Variants in ZNF274 observed in about 807,000 individuals in gnomAD.
The protein encoded by ZNF274 is zinc finger protein 274.
A neutral mutation model predicts 42.5 loss-of-function variants in ZNF274; 23 were observed. That is an observed-to-expected ratio of 0.54 (90% CI 0.39 to 0.77). The LOEUF (loss-of-function observed/expected upper bound fraction) is 0.77, where lower values mean the gene tolerates loss of function less well. Ranked by LOEUF, ZNF274 falls within the 30% of genes least tolerant of loss-of-function variation. The pLI is 0.00. For synonymous variants in ZNF274, 292 were observed against 305.4 expected (o/e 0.96, Z 0.46); for missense variants, 679 against 806.5 (o/e 0.84, Z 1.91).
In ZNF274 at chr19:58,187,052, A is replaced by C; in HGVS notation, c.256+10A>C. ...CAAGACACCATTCCAGGTGAGAACC[A>C]GACATGGGAAGCCCCCACAGGGAAG... On this transcript the variant is annotated intron_variant, in intron 4 of 7. Coordinates refer to ENST00000617501, the MANE Select transcript of ZNF274 (RefSeq NM_133502.3). 6.2e-7 allele frequency: 1 copy of C among 1,606,258 alleles called. No individual in the cohort carries two copies. Among genetic ancestry groups the C allele is most frequent in the East Asian group, 2.2e-5 (1 of 44,776 alleles).
intron 4 of ZNF274, among the ~76,000 whole-genome samples, chr19:58,195,119 AC>A (rs140467225): frequency 0.024 from 3,653 of 151,630 alleles, 125 homozygotes; most frequent in African/African-American, 0.082. Context: ...AATCGATTGA[AC>A]CCAGGAGGTG....
chr19:58,186,695 C>T (rs2075703129), intron 3 of ZNF274, among the ~76,000 whole-genome samples: 1 of 152,124 alleles, frequency 6.6e-6, no homozygotes, highest in Non-Finnish European at 1.5e-5. Context: ...CATGTTTAAC[C>T]AGAAAGCAAA....
In ZNF274 at chr19:58,207,784, G is replaced by A. The variant is rs577119446; in HGVS notation, c.739+582G>A. On this transcript the variant is annotated intron_variant, in intron 5 of 7. Coordinates refer to ENST00000617501, the MANE Select transcript of ZNF274 (RefSeq NM_133502.3). This position sits in a 1 kb window ranked among gnomAD's most constrained non-coding sequence, Gnocchi z 5.6. ...ATGTTTGTGATGGAAGGGAGCAGAGGTTGGAGCTGGCACTGCCAGTGGGGA... is the reference window on the plus strand; with the variant it reads ...ATGTTTGTGATGGAAGGGAGCAGAGATTGGAGCTGGCACTGCCAGTGGGGA... 6.6e-6 allele frequency among the ~76,000 whole-genome samples: 1 copy of A among 152,376 alleles called. No homozygotes were observed. The highest frequency in any genetic ancestry group is 2.4e-5 in the African/African-American group (1 of 41,588).
Position 58,213,045 on chromosome 19 carries a change from A to G in ZNF274, c.1864A>G (p.Asn622Asp), listed in dbSNP as rs1225399163. 3 of 1,613,958 alleles carry G rather than the reference A, an allele frequency of 1.9e-6. No individual in the cohort carries two copies. The highest frequency in any genetic ancestry group is 8.5e-7 in the Non-Finnish European group (1 of 1,179,934). ...THTGERPYAC[N>D]KCGKAFTQSS... ...CACCGGGGAGCGCCCATATGCATGC[A>G]ACAAATGTGGAAAGGCCTTCACCCA... The change falls in exon 8 of 8, where the codon AAC (asparagine) becomes GAC (aspartate). Residue 622 changes from asparagine (N) to aspartate (D), a missense_variant. Physicochemically the swap from Asn to Asp is conservative, Grantham distance 23. Transcript: ENST00000617501.
chr19:58,183,899 C>T lies in ZNF274; in HGVS notation c.-45-22C>T, dbSNP rs867475698. On this transcript the variant is annotated intron_variant, in intron 1 of 7. Transcript: ENST00000617501. ...CGGACACCTTAAGCCTCTCCCTCCC[C>T]TCCCAACTTCGGTTTCCTCAGGACT... 7.8e-6 allele frequency: 12 copies of T among 1,533,278 alleles called. No individual in the cohort carries two copies. In the Middle Eastern group the frequency reaches 6.7e-4, roughly 86 times the overall value. 95.0% of individuals were successfully genotyped at this position (1,533,278 alleles called of 1,614,324 possible).
chr19:58,202,953 A>G (rs1468952748), intron 4 of ZNF274, among the ~76,000 whole-genome samples: 1 of 152,204 alleles, frequency 6.6e-6, no homozygotes, highest in Non-Finnish European at 1.5e-5. Context: ...TTAATAATAA[A>G]GATTAAAGCA....
At chr19:58,187,352 C>T (rs987307541) in intron 4 of ZNF274, among the ~76,000 whole-genome samples, 2 of 152,164 alleles carry the variant, frequency 1.3e-5, no homozygotes, top group African/African-American at 4.8e-5. Flanking sequence ...TCCAGCCAGA[C>T]TTTCTTATAT....
intron 4 of ZNF274, chr19:58,202,283 C>T (rs2075922208): frequency 6.6e-6 from 1 of 152,252 alleles, no homozygotes; most frequent in South Asian, 2.1e-4. Flanking sequence ...TGTTTGTCAC[C>T]CTGGAAGGGA....
At chr19:58,183,756 G>C (rs1430430470) in intron 1 of ZNF274, 165 bp from the exon 2 acceptor site, 1 of 554,906 alleles carries the variant, frequency 1.8e-6, no homozygotes, top group Non-Finnish European at 3.2e-6. Flanking sequence ...GGGAAAACTG[G>C]TCCTATCCAG....
intron 4 of ZNF274, among the ~76,000 whole-genome samples, chr19:58,187,410 TATA>T (rs1304696857): frequency 1.3e-5 from 2 of 152,182 alleles, no homozygotes; most frequent in African/African-American, 4.8e-5. Context: ...TTGGGGGTGT[TATA>T]ATACAGACAA....
chr19:58,189,443 T>C (rs2075752508), intron 4 of ZNF274, among the ~76,000 whole-genome samples: 1 of 152,164 alleles, frequency 6.6e-6, no homozygotes, highest in Non-Finnish European at 1.5e-5. Context: ...ATCTGGAATT[T>C]CGTTTTATAT....
chr19:58,204,367 G>A, intron 4 of ZNF274, among the ~76,000 whole-genome samples: 1 of 152,242 alleles, frequency 6.6e-6, no homozygotes, highest in African/African-American at 2.4e-5. Context: ...GGTTCGAGGC[G>A]TGGCCTAGAG....
chr19:58,200,303 C>T (rs935801696), intron 4 of ZNF274, among the ~76,000 whole-genome samples: 1 of 152,178 alleles, frequency 6.6e-6, no homozygotes, highest in Non-Finnish European at 1.5e-5. Flanking sequence ...GGCCCTGCAG[C>T]TAATGCTACT....
Position 58,211,487 on chromosome 19 carries a change from T to G in ZNF274, c.853-73T>G. On this transcript the variant is annotated intron_variant, in intron 6 of 7. Transcript: ENST00000617501. The surrounding 1 kb of genome is among the most constrained non-coding windows in gnomAD (Gnocchi z 4.8). ...GTGAGCTCTGTCAGAACCTCCCAGC[T>G]GGCCTTTCTTCTGCCCTCATTGACA... 3.9e-6 allele frequency: 6 copies of G among 1,526,494 alleles called. No individual in the cohort carries two copies. In the South Asian group the frequency reaches 7.6e-5, roughly 19 times the overall value. The allele number at this position is 1,526,494 out of a possible 1,614,324, so 94.6% of individuals were successfully genotyped here.
intron 4 of ZNF274, among the ~76,000 whole-genome samples, chr19:58,188,676 G>GTATATATATATGTATATGTATATATA (rs1191744822): frequency 1.3e-5 from 1 of 79,772 alleles, no homozygotes; most frequent in Admixed American, 1.7e-4. Flanking sequence ...GTGTGTGTGT[G>GTATATATATATGTATATGTATATATA]TATATATATA....
In ZNF274 at chr19:58,206,981, C is replaced by T. The variant is rs375832147; in HGVS notation, c.518C>T (p.Thr173Ile). The T allele has an allele frequency of 1.1e-5, 18 of 1,609,528 alleles. No individual in the cohort carries two copies. The highest frequency in any genetic ancestry group is 1.4e-5 in the Non-Finnish European group (16 of 1,177,966). Reference sequence around the variant, plus strand: ...CGGCAGTTCCGTTATAAGGACATGACAGGTCCCCGGGAGGCCCTGGACCAG... The same window carrying T: ...CGGCAGTTCCGTTATAAGGACATGATAGGTCCCCGGGAGGCCCTGGACCAG... The part of the protein sequence containing the change: ...RFRQFRYKDM[T>I]GPREALDQLR... Residue 173 changes from threonine to isoleucine, a missense_variant, in exon 5 of 8, where the codon ACA becomes ATA. Coordinates refer to ENST00000617501, the MANE Select transcript of ZNF274 (RefSeq NM_133502.3).
At chr19:58,195,016 T>TA (rs917821400) in intron 4 of ZNF274, among the ~76,000 whole-genome samples, 4 of 147,954 alleles carry the variant, frequency 2.7e-5, no homozygotes, top group Admixed American at 6.7e-5. Flanking sequence ...ATAATAATAA[T>TA]AATAAATAAA....
At chr19:58,183,567 T>C in intron 1 of ZNF274, 125 bp downstream of exon 1, 1 of 187,082 alleles carries the variant, frequency 5.3e-6, no homozygotes, top group Non-Finnish European at 1.1e-5. Context: ...CGGCCGTGCC[T>C]GCAGTCCTCC....
chr19:58,202,222 A>ATCAGCAT (rs1231099139), intron 4 of ZNF274: 1 of 152,276 alleles, frequency 6.6e-6, no homozygotes, highest in Non-Finnish European at 1.5e-5. Flanking sequence ...TACCTGGCTA[A>ATCAGCAT]TCAGCATTCA....
Sources: allele counts gnomAD v4.1 joint callset (sites outside exome capture counted in the v4.1 genomes callset), GRCh38; gene constraint gnomAD v4.1.1; non-coding constraint Gnocchi (gnomAD v3.1); transcripts MANE v1.5; gene names NCBI Gene and HGNC (gene_info 2026-07-23, HGNC 2026-07-21).